Variants in ANKS1B observed in about 807,000 individuals in gnomAD.
ANKS1B encodes the protein ankyrin repeat and sterile alpha motif domain containing 1B, also known as ankyrin repeat and sterile alpha motif domain-containing protein 1B.
Under a neutral mutation model 148.3 loss-of-function variants are expected in ANKS1B, and 36 were observed. That is an observed-to-expected ratio of 0.24 (90% CI 0.19 to 0.32). ANKS1B has a LOEUF of 0.32. ANKS1B is among the 10% of genes least tolerant of loss of function. The pLI is 1.00. For missense variants in ANKS1B, 1,157 were observed against 1,542.6 expected (o/e 0.75, Z 4.19); for synonymous variants, 542 against 560.8 (o/e 0.97, Z 0.47).
At chr12:99,453,659 T>C (rs1229738647) in intron 10 of ANKS1B, among the ~76,000 whole-genome samples, 2 of 152,238 alleles carry the variant, frequency 1.3e-5, no homozygotes, top group African/African-American at 4.8e-5. Flanking sequence ...CCTAGTTTCC[T>C]GACCCTGTGA....
intron 15 of ANKS1B, among the ~76,000 whole-genome samples, chr12:99,131,435 T>C (rs2066050763): frequency 1.3e-5 from 2 of 152,210 alleles, no homozygotes; most frequent in Admixed American, 6.5e-5. Context: ...TGACAAAGTC[T>C]GAGGGTCCCA....
intron 12 of ANKS1B, among the ~76,000 whole-genome samples, chr12:99,383,795 T>C (rs10777977): frequency 0.4 from 59,584 of 147,630 alleles, 13,186 homozygotes; most frequent in African/African-American, 0.59. Flanking sequence ...AGTAAATCAC[T>C]TGAGCCCAGG....
intron 9 of ANKS1B, among the ~76,000 whole-genome samples, chr12:99,580,082 C>A (rs1397715576): frequency 6.6e-6 from 1 of 152,062 alleles, no homozygotes; most frequent in Non-Finnish European, 1.5e-5. Context: ...TTATTCTAAG[C>A]AAATTAACAT....
At chr12:99,330,203 A>T (rs977039771) in intron 12 of ANKS1B, among the ~76,000 whole-genome samples, 2 of 151,982 alleles carry the variant, frequency 1.3e-5, no homozygotes, top group African/African-American at 4.8e-5. Flanking sequence ...TTAATGGAAG[A>T]AATATTTTCT....
intron 22 of ANKS1B, among the ~76,000 whole-genome samples, chr12:98,784,860 G>C (rs1186952045): frequency 6.6e-6 from 1 of 152,268 alleles, no homozygotes; most frequent in East Asian, 1.9e-4. Context: ...TATGGTGTCA[G>C]TGATGCAGGC....
intron 15 of ANKS1B, among the ~76,000 whole-genome samples, chr12:99,120,611 T>C (rs2062546910): frequency 6.6e-6 from 1 of 152,200 alleles, no homozygotes; most frequent in Admixed American, 6.5e-5. Flanking sequence ...AAAAGAAATA[T>C]TATCAAGTCA....
At position 99,326,917 on chromosome 12, in the gene ANKS1B, T is replaced by C. The variant is rs571202022; in HGVS notation, c.1756+72714A>G. 2.7e-5 allele frequency among the ~76,000 whole-genome samples: 4 copies of C among 147,824 alleles called. No individual in the cohort carries two copies. The East Asian group carries it at 7.8e-4, about 29-fold the overall frequency. On this transcript the variant is annotated intron_variant, in intron 12 of 26. Transcript: ENST00000683438. ...GTATATTTGATGCAGATGAAACATA[T>C]ATAAAATATAAAGTTCACAAATACT...
intron 12 of ANKS1B, among the ~76,000 whole-genome samples, chr12:99,285,709 C>T (rs1205724519): frequency 6.6e-6 from 1 of 152,114 alleles, no homozygotes; most frequent in Non-Finnish European, 1.5e-5. Context: ...CCCTCATCCC[C>T]TGGCAGTGAC....
At chr12:98,971,213 C>A (rs914428478) in intron 17 of ANKS1B, among the ~76,000 whole-genome samples, 6 of 152,210 alleles carry the variant, frequency 3.9e-5, no homozygotes, top group African/African-American at 1.2e-4. Context: ...TAAACTTCAA[C>A]TTGAACCCAA....
intron 12 of ANKS1B, among the ~76,000 whole-genome samples, chr12:99,278,212 G>A (rs1247752305): frequency 6.6e-6 from 1 of 152,156 alleles, no homozygotes; most frequent in Non-Finnish European, 1.5e-5. Context: ...AGGCAGAAGT[G>A]ATGCACACCA....
chr12:98,889,721 T>G (rs748599877), intron 17 of ANKS1B, among the ~76,000 whole-genome samples: 6 of 152,266 alleles, frequency 3.9e-5, no homozygotes, highest in Non-Finnish European at 7.3e-5. Context: ...GTGTAGCTTT[T>G]GGCTCCTTTG....
rs1220739866 is a variant in ANKS1B at position 99,033,134 on chromosome 12, A to G, written c.2778+20023T>C. 2.6e-5 allele frequency among the ~76,000 whole-genome samples: 4 copies of G among 152,222 alleles called. No individual in the cohort carries two copies. In the East Asian group the frequency reaches 5.8e-4, roughly 22 times the overall value. On this transcript the variant is annotated intron_variant, in intron 17 of 26. Transcript: ENST00000683438. ...ATAGTCACCTGGTGAACCTTTAAAA[A>G]TGCATGCCCAGGACCCATTTCAACC...
intron 2 of ANKS1B, among the ~76,000 whole-genome samples, chr12:99,822,395 A>T (rs2082619740): frequency 6.6e-6 from 1 of 152,112 alleles, no homozygotes; most frequent in Non-Finnish European, 1.5e-5. Flanking sequence ...GATACAATTT[A>T]TCCCATCACC....
In ANKS1B at chr12:99,193,793, C is replaced by CTTTTTTTT. The variant is rs34024548; in HGVS notation, c.2420-39406_2420-39399dup. On this transcript the variant is annotated intron_variant, in intron 14 of 26. Transcript: ENST00000683438. ...ACAGATTTTCCATGTATTTCTAGTTCTTTTTTTTTTTTTTTTTTTTTTTTT... is the reference window on the plus strand; with the variant it reads ...ACAGATTTTCCATGTATTTCTAGTTCTTTTTTTTTTTTTTTTTTTTTTTTTTTTTTTTT... 3.1e-4 allele frequency among the ~76,000 whole-genome samples: 21 copies of CTTTTTTTT among 66,840 alleles called. 1 individual carries two copies. The highest frequency in any genetic ancestry group is 1.1e-3 in the Admixed American group (5 of 4,416). The allele number at this position is 66,840 out of a possible 152,430, so 43.8% of individuals were successfully genotyped here. A position where few individuals can be genotyped will look rare whatever the true frequency, so the allele number is the denominator to read the frequency against.
At chr12:98,927,869 G>A (rs2099810143) in intron 17 of ANKS1B, among the ~76,000 whole-genome samples, 1 of 151,020 alleles carries the variant, frequency 6.6e-6, no homozygotes, top group African/African-American at 2.4e-5. Flanking sequence ...CACACCTCAA[G>A]GCACTGGAAA....
At chr12:99,460,008 A>T (rs1468187080) in intron 10 of ANKS1B, among the ~76,000 whole-genome samples, 2 of 152,144 alleles carry the variant, frequency 1.3e-5, no homozygotes, top group Non-Finnish European at 2.9e-5. Flanking sequence ...TTCAAACTAT[A>T]CTATAAGGCC....
intron 12 of ANKS1B, among the ~76,000 whole-genome samples, chr12:99,310,112 A>G (rs966105868): frequency 6.6e-6 from 1 of 152,180 alleles, no homozygotes; most frequent in Non-Finnish European, 1.5e-5. Flanking sequence ...TTTGGAGATT[A>G]GTTGGCTTCA....
At chr12:99,313,762 A>G (rs1190217355) in intron 12 of ANKS1B, among the ~76,000 whole-genome samples, 1 of 152,212 alleles carries the variant, frequency 6.6e-6, no homozygotes, top group African/African-American at 2.4e-5. Flanking sequence ...TTGATGGAAC[A>G]CATCTCAAAA....
intron 4 of ANKS1B, among the ~76,000 whole-genome samples, chr12:99,786,215 T>G (rs2064992893): frequency 6.6e-6 from 1 of 152,152 alleles, no homozygotes; most frequent in Admixed American, 6.5e-5. Flanking sequence ...CAAAGAATAT[T>G]TTAATTCAGG....
Sources: allele counts gnomAD v4.1 joint callset (sites outside exome capture counted in the v4.1 genomes callset), GRCh38; gene constraint gnomAD v4.1.1; transcripts MANE v1.5; gene names NCBI Gene and HGNC (gene_info 2026-07-23, HGNC 2026-07-21).